The following MCC variants were observed in gnomAD, a reference collection of about 807,000 sequenced individuals.
MCC encodes the protein MCC regulator of Wnt signaling pathway.
MCC carries 90 observed loss-of-function variants against 116.2 expected under a neutral mutation model. That is an observed-to-expected ratio of 0.77 (90% CI 0.65 to 0.92). The LOEUF (loss-of-function observed/expected upper bound fraction) is 0.92. Ranked by LOEUF, MCC falls within the 40% of genes least tolerant of loss-of-function variation. The probability of loss-of-function intolerance (pLI) is 0.00; values close to 1 mark genes in which losing one functional copy is unlikely to be tolerated. For synonymous variants in MCC, 578 were observed against 510.5 expected, an observed-to-expected ratio of 1.13 and a Z score of -1.78; for missense variants, 1,516 against 1,312.2, an observed-to-expected ratio of 1.16 and a Z score of -2.40.
In MCC at chr5:113,154,771, T is replaced by C. The variant is rs1474500713; in HGVS notation, c.628-3349A>G. Among the ~76,000 whole-genome samples, 15 of 152,228 alleles carry C rather than the reference T, an allele frequency of 9.9e-5. No individual in the cohort carries two copies. The East Asian group carries it at 2.7e-3, about 27-fold the overall frequency. ...CAGTTAAAACTTTTTTACTGAAATA[T>C]AATATTTATACATATTTATGGGGTA... is the stretch of plus-strand genomic sequence containing the variant. On this transcript the variant is annotated intron_variant, in intron 3 of 18. Transcript: ENST00000408903.
rs139748233 is a variant in MCC, at chr5:113,328,370, G to C, written c.627+12149C>G. Among the ~76,000 whole-genome samples the C allele has an allele frequency of 5.8e-4, 88 of 152,282 alleles. 1 individual carries two copies. Among genetic ancestry groups the C allele is most frequent in the Non-Finnish European group, 8.1e-4 (55 of 67,996 alleles). On this transcript the variant is annotated intron_variant, in intron 3 of 18. Transcript: ENST00000408903. ...AGGGAAAGGTTTTGCCCTGATCCAT[G>C]ACAGAGACTATTACCTAAAAGATAC...
chr5:113,243,969 A>G (rs1445982052), intron 3 of MCC, among the ~76,000 whole-genome samples: 1 of 152,252 alleles, frequency 6.6e-6, no homozygotes, highest in Non-Finnish European at 1.5e-5. Context: ...GGAGCCATGC[A>G]ATGGATTGGA....
rs369820282 is a variant in MCC at position 113,127,858 on chromosome 5, T to C, written c.885-5032A>G. On this transcript the variant is annotated intron_variant, in intron 5 of 18. Transcript: ENST00000408903. The stretch of plus-strand genomic sequence containing the variant: ...GCTCTTAAGCTTCATTAGAACCCAT[T>C]TGTCAATTTTTGCTTTGTTGCTATT... Among the ~76,000 whole-genome samples, 5 of 152,336 alleles carry C rather than the reference T, an allele frequency of 3.3e-5. No homozygotes were observed. In the East Asian group the frequency reaches 7.7e-4, roughly 23 times the overall value.
At chr5:113,332,679 G>A (rs914372256) in intron 3 of MCC, among the ~76,000 whole-genome samples, 2 of 151,552 alleles carry the variant, frequency 1.3e-5, no homozygotes, top group Non-Finnish European at 2.9e-5. Flanking sequence ...CGTTTTACTA[G>A]GGCCAATAAA....
intron 5 of MCC, among the ~76,000 whole-genome samples, chr5:113,136,844 C>G (rs897374562): frequency 6.6e-6 from 1 of 152,072 alleles, no homozygotes; most frequent in Non-Finnish European, 1.5e-5. Context: ...TTTGGATGCC[C>G]TTTATTTCTT....
chr5:113,416,675 G>C (rs184838737), intron 1 of MCC, among the ~76,000 whole-genome samples: 2 of 152,224 alleles, frequency 1.3e-5, no homozygotes, highest in South Asian at 4.1e-4. Context: ...TGGACAGTTA[G>C]ATGAAGTGGC....
intron 5 of MCC, among the ~76,000 whole-genome samples, chr5:113,123,930 T>G (rs942764879): frequency 6.6e-6 from 1 of 152,168 alleles, no homozygotes; most frequent in African/African-American, 2.4e-5. Flanking sequence ...AGTGTTGGAT[T>G]CTGGGTGGAC....
chr5:113,145,907 G>A (rs933799932), intron 4 of MCC, among the ~76,000 whole-genome samples: 1 of 152,056 alleles, frequency 6.6e-6, no homozygotes, highest in African/African-American at 2.4e-5. Flanking sequence ...AAGCCTGCCT[G>A]GAGGATACCT....
chr5:113,147,682 C>T lies in MCC; in HGVS notation c.741+3627G>A, dbSNP rs570089253. ...CTCACTCTAAGTTCTTGCCCAGGTT[C>T]GCTCGCTAAGGGGAAAGTGGACCAG... On this transcript the variant is annotated intron_variant, in intron 4 of 18. Coordinates refer to ENST00000408903, the MANE Select transcript of MCC (RefSeq NM_001085377.2). Among the ~76,000 whole-genome samples, 11 of 152,208 alleles carry T rather than the reference C, an allele frequency of 7.2e-5. No individual in the cohort carries two copies. In the South Asian group the frequency reaches 1.0e-3, roughly 14 times the overall value.
chr5:113,296,926 T>G (rs1766729199), intron 3 of MCC, among the ~76,000 whole-genome samples: 1 of 152,136 alleles, frequency 6.6e-6, no homozygotes, highest in Non-Finnish European at 1.5e-5. Context: ...AAAAGAAAAG[T>G]AATCTGTTCC....
chr5:113,080,283 C>G (rs1754761259), intron 11 of MCC, among the ~76,000 whole-genome samples: 1 of 152,198 alleles, frequency 6.6e-6, no homozygotes, highest in African/African-American at 2.4e-5. Flanking sequence ...TACCATTTGA[C>G]CCAGCCATCC....
chr5:113,216,529 C>T (rs923498253), intron 3 of MCC, among the ~76,000 whole-genome samples: 1 of 152,178 alleles, frequency 6.6e-6, no homozygotes, highest in African/African-American at 2.4e-5. Context: ...CCATGTCTTA[C>T]AGACATAATT....
intron 6 of MCC, among the ~76,000 whole-genome samples, chr5:113,112,025 G>A (rs1757129090): frequency 1.3e-5 from 2 of 152,084 alleles, no homozygotes; most frequent in African/African-American, 4.8e-5. Flanking sequence ...TCAAATAAAG[G>A]GCAGCTCCAA....
rs980614187 is a variant in MCC at position 113,039,730 on chromosome 5, C to T, written c.2756+3800G>A. Among the ~76,000 whole-genome samples, 33 of 150,784 alleles carry T rather than the reference C, an allele frequency of 2.2e-4. 1 individual carries two copies. The highest frequency in any genetic ancestry group is 4.3e-4 in the Non-Finnish European group (29 of 67,742). On this transcript the variant is annotated intron_variant, in intron 17 of 18. Transcript: ENST00000408903. Reference sequence around the variant, plus strand: ...CTCCGCGCCCCCCCCCCCAACCCACCCCAGGATCACATGGAGAGCAGCACC... The same window carrying T: ...CTCCGCGCCCCCCCCCCCAACCCACTCCAGGATCACATGGAGAGCAGCACC...
intron 1 of MCC, among the ~76,000 whole-genome samples, chr5:113,459,825 AACAC>A (rs5870543): frequency 0.019 from 2,800 of 147,282 alleles, 81 homozygotes; most frequent in African/African-American, 0.062. Context: ...CGCTATGGAA[AACAC>A]ACACACACAC....
At chr5:113,406,949 T>C (rs967120535) in intron 1 of MCC, among the ~76,000 whole-genome samples, 2 of 152,142 alleles carry the variant, frequency 1.3e-5, no homozygotes, top group African/African-American at 4.8e-5. Context: ...TCAATATCAA[T>C]TGTAGCAGAA....
intron 1 of MCC, among the ~76,000 whole-genome samples, chr5:113,444,062 C>T (rs900663447): frequency 1.3e-5 from 2 of 151,768 alleles, no homozygotes; most frequent in African/African-American, 2.4e-5. Flanking sequence ...CCAGGCTGTT[C>T]TCGAACTCCT....
At chr5:113,445,656 G>A (rs966308309) in intron 1 of MCC, among the ~76,000 whole-genome samples, 1 of 152,178 alleles carries the variant, frequency 6.6e-6, no homozygotes, top group Middle Eastern at 3.4e-3. Context: ...TGTTAAAATG[G>A]CCATAAAGCC....
At chr5:113,080,159 G>A (rs955153610) in intron 11 of MCC, among the ~76,000 whole-genome samples, 1 of 152,202 alleles carries the variant, frequency 6.6e-6, no homozygotes, top group African/African-American at 2.4e-5. Flanking sequence ...AACAACAGGT[G>A]CTGGAAAGGA....
Sources: gnomAD v4.1 joint callset for allele counts (sites outside exome capture counted in the v4.1 genomes callset) on GRCh38, gnomAD v4.1.1 for gene constraint, MANE v1.5 for transcripts, NCBI Gene and HGNC (gene_info 2026-07-23, HGNC 2026-07-21) for gene names.